GLCE: variants seen among roughly 807,000 people sequenced by gnomAD.
GLCE encodes D-glucuronyl C5-epimerase.
GLCE carries 19 observed loss-of-function variants against 47.9 expected under a neutral mutation model. The observed-to-expected ratio is 0.40, with a 90% CI of 0.28 to 0.58. The LOEUF (loss-of-function observed/expected upper bound fraction) is 0.58, where lower values mean the gene tolerates loss of function less well. GLCE is among the 20% of genes least tolerant of loss of function. The pLI, the probability that GLCE is intolerant of heterozygous loss-of-function variation, is 0.48. For synonymous variants in GLCE, 245 were observed against 263.4 expected (o/e 0.93, Z 0.68); for missense variants, 556 against 743.3 (o/e 0.75, Z 2.93).
At chr15:69,169,896 T>C (rs2051564275) in intron 1 of GLCE, among the ~76,000 whole-genome samples, 1 of 152,180 alleles carries the variant, frequency 6.6e-6, no homozygotes, top group Non-Finnish European at 1.5e-5. Context: ...TCCTCTCACA[T>C]GCTAGATGAT....
intron 1 of GLCE, among the ~76,000 whole-genome samples, chr15:69,166,048 A>G (rs1338010862): frequency 6.6e-6 from 1 of 152,228 alleles, no homozygotes; most frequent in Non-Finnish European, 1.5e-5. Context: ...CCTTATCTCT[A>G]AAATTGCTAG....
intron 2 of GLCE, among the ~76,000 whole-genome samples, chr15:69,219,763 A>T (rs1410114439): frequency 6.6e-6 from 1 of 152,122 alleles, no homozygotes; most frequent in Non-Finnish European, 1.5e-5. Flanking sequence ...CATCTGAACT[A>T]TTTTTAAGTA....
At chr15:69,209,836 A>G (rs562723042) in intron 1 of GLCE, among the ~76,000 whole-genome samples, 2 of 152,228 alleles carry the variant, frequency 1.3e-5, no homozygotes, top group East Asian at 3.9e-4. Context: ...GATTCACCAC[A>G]TCCTCTTGGG....
chr15:69,178,289 T>C (rs2140337403), intron 1 of GLCE, among the ~76,000 whole-genome samples: 1 of 152,246 alleles, frequency 6.6e-6, no homozygotes, highest in Admixed American at 6.5e-5. Flanking sequence ...TCAAAAAATA[T>C]ACAAATGGCT....
intron 2 of GLCE, among the ~76,000 whole-genome samples, chr15:69,213,111 T>A (rs1285644304): frequency 6.6e-6 from 1 of 152,118 alleles, no homozygotes; most frequent in Non-Finnish European, 1.5e-5. Flanking sequence ...ATTTTAGATG[T>A]ACAAATAAGT....
intron 2 of GLCE, among the ~76,000 whole-genome samples, chr15:69,231,676 T>C (rs979375634): frequency 6.6e-6 from 1 of 152,152 alleles, no homozygotes; most frequent in African/African-American, 2.4e-5. Flanking sequence ...TTTCATTTTG[T>C]TGTTGTTGTT....
intron 2 of GLCE, among the ~76,000 whole-genome samples, chr15:69,227,700 C>T (rs2052468993): frequency 6.6e-6 from 1 of 152,156 alleles, no homozygotes; most frequent in Non-Finnish European, 1.5e-5. Flanking sequence ...CAATTTTGTT[C>T]TCACCCTTTG....
chr15:69,266,125 G>A (rs2053082250), intron 4 of GLCE, among the ~76,000 whole-genome samples: 1 of 152,174 alleles, frequency 6.6e-6, no homozygotes, highest in African/African-American at 2.4e-5. Context: ...GTTACTCAGA[G>A]CATTGTTTGA....
chr15:69,175,621 T>C (rs4777124), intron 1 of GLCE, among the ~76,000 whole-genome samples: 111,741 of 152,122 alleles, frequency 0.73, 41,347 homozygotes, highest in Admixed American at 0.78. Flanking sequence ...CTTCATTCCC[T>C]GTACAAAATA....
chr15:69,249,531 G>A (rs1225330025), intron 2 of GLCE, among the ~76,000 whole-genome samples: 2 of 152,046 alleles, frequency 1.3e-5, no homozygotes, highest in African/African-American at 2.4e-5. Flanking sequence ...TTTTAATTAA[G>A]AGTAAGCATT....
intron 1 of GLCE, among the ~76,000 whole-genome samples, chr15:69,198,143 A>T (rs2052024243): frequency 6.6e-6 from 1 of 152,074 alleles, no homozygotes; most frequent in Non-Finnish European, 1.5e-5. Flanking sequence ...TGCATGTGGC[A>T]TTCAAACACA....
At position 69,219,108 on chromosome 15, in the gene GLCE, T is replaced by A. The variant is rs140234608; in HGVS notation, c.-14+8702T>A. 3.2e-3 allele frequency among the ~76,000 whole-genome samples: 485 copies of A among 152,230 alleles called. 3 individuals are homozygous for A. The highest frequency in any genetic ancestry group is 9.8e-3 in the African/African-American group (407 of 41,572). ...ATGTTATACTGTGAACATTAATAAC[T>A]TCATGTAGAATTGTCAGTTGTAAGG... On this transcript the variant is annotated intron_variant, in intron 2 of 4. Transcript: ENST00000261858.
chr15:69,177,144 C>T (rs780288694), intron 1 of GLCE, among the ~76,000 whole-genome samples: 3 of 151,956 alleles, frequency 2.0e-5, no homozygotes, highest in Non-Finnish European at 4.4e-5. Flanking sequence ...CTCAGCCTTC[C>T]GAGTAGCTGG....
chr15:69,192,173 T>C (rs1418268995), intron 1 of GLCE, among the ~76,000 whole-genome samples: 1 of 152,076 alleles, frequency 6.6e-6, no homozygotes, highest in Non-Finnish European at 1.5e-5. Context: ...TTTCATGCTT[T>C]CATTATGGTT....
chr15:69,193,867 A>G (rs1030778862), intron 1 of GLCE, among the ~76,000 whole-genome samples: 1 of 152,094 alleles, frequency 6.6e-6, no homozygotes. Flanking sequence ...TATTAACTAG[A>G]TCACATATTG....
intron 2 of GLCE, among the ~76,000 whole-genome samples, chr15:69,253,199 C>T (rs1451369836): frequency 6.6e-6 from 1 of 152,204 alleles, no homozygotes; most frequent in Non-Finnish European, 1.5e-5. Context: ...CAGGCAAACA[C>T]TAGGCAGATT....
At chr15:69,212,419 A>ATT (rs2052245769) in intron 2 of GLCE, among the ~76,000 whole-genome samples, 1 of 151,940 alleles carries the variant, frequency 6.6e-6, no homozygotes, top group Non-Finnish European at 1.5e-5. Context: ...ATAATCTTAG[A>ATT]TTATTTAGAT....
intron 1 of GLCE, among the ~76,000 whole-genome samples, chr15:69,183,872 A>G (rs920642220): frequency 1.3e-5 from 2 of 152,174 alleles, no homozygotes; most frequent in South Asian, 4.1e-4. Flanking sequence ...AACACATAAC[A>G]CTTGAGAAAG....
chr15:69,246,506 A>G (rs1367215693), intron 2 of GLCE, among the ~76,000 whole-genome samples: 1 of 152,106 alleles, frequency 6.6e-6, no homozygotes, highest in African/African-American at 2.4e-5. Context: ...TCACGAGTTC[A>G]GGAGTTTGAG....
Sources: gnomAD v4.1 joint callset for allele counts (sites outside exome capture counted in the v4.1 genomes callset) on GRCh38, gnomAD v4.1.1 for gene constraint, MANE v1.5 for transcripts, NCBI Gene and HGNC (gene_info 2026-07-23, HGNC 2026-07-21) for gene names.